QSOX2: variants seen among roughly 807,000 people sequenced by gnomAD.
QSOX2 encodes the protein quiescin sulfhydryl oxidase 2, also known as sulfhydryl oxidase 2.
QSOX2 carries 46 observed loss-of-function variants against 61.7 expected under a neutral mutation model. The observed-to-expected ratio is 0.75, with a 90% CI of 0.59 to 0.95. The LOEUF (loss-of-function observed/expected upper bound fraction) is 0.95. Among genes scored for constraint, QSOX2 ranks in the 40% least tolerant of loss-of-function variants. The pLI is 0.00. For missense variants in QSOX2, 879 were observed against 918.9 expected, an observed-to-expected ratio of 0.96 and a Z score of 0.56; for synonymous variants, 383 against 388.4, an observed-to-expected ratio of 0.99 and a Z score of 0.16.
chr9:136,225,846 C>G (rs1285845451), intron 2 of QSOX2, among the ~76,000 whole-genome samples: 1 of 152,210 alleles, frequency 6.6e-6, no homozygotes, highest in South Asian at 2.1e-4. Flanking sequence ...AAAGAGGGCC[C>G]GAAAGTTTAC....
rs1387461754 is a variant in QSOX2, at chr9:136,207,420, T to G, written c.*1308A>C. The G allele has an allele frequency of 6.6e-6, 1 of 150,630 alleles. No individual in the cohort carries two copies. Among genetic ancestry groups the G allele is most frequent in the Non-Finnish European group, 1.5e-5 (1 of 67,748 alleles). The allele number at this position is 150,630 out of a possible 1,614,324, so 9.3% of individuals were successfully genotyped here. Reference sequence around the variant, plus strand: ...ACACACACGGGCACACAAATACATCTGAGCCTATTTTAGCCAAATCAAATT... The same window carrying G: ...ACACACACGGGCACACAAATACATCGGAGCCTATTTTAGCCAAATCAAATT... On this transcript the variant is annotated 3_prime_UTR_variant, in exon 12 of 12. Coordinates refer to ENST00000358701, the MANE Select transcript of QSOX2 (RefSeq NM_181701.4).
chr9:136,222,150 A>G lies in QSOX2; in HGVS notation c.676-209T>C, dbSNP rs1362701759. Among the ~76,000 whole-genome samples, 1 of 152,240 alleles carries G rather than the reference A, an allele frequency of 6.6e-6. No homozygotes were observed. Among genetic ancestry groups the G allele is most frequent in the African/African-American group, 2.4e-5 (1 of 41,470 alleles). Reference sequence around the variant, plus strand: ...CGCCATGAGCAGAAACCACGGTCTTATTCGGCAATTTTACAAACTCATCAA... The same window carrying G: ...CGCCATGAGCAGAAACCACGGTCTTGTTCGGCAATTTTACAAACTCATCAA... On this transcript the variant is annotated intron_variant, in intron 5 of 11. Transcript: ENST00000358701. The surrounding 1 kb of genome is among the most constrained non-coding windows in gnomAD (Gnocchi z 6.9).
chr9:136,241,269 C>T (rs1371787095), intron 1 of QSOX2, among the ~76,000 whole-genome samples: 7 of 152,358 alleles, frequency 4.6e-5, no homozygotes, highest in Non-Finnish European at 2.9e-5. Flanking sequence ...TCCATCCTCC[C>T]GAGTCCAGTG....
chr9:136,243,276 T>G (rs900078556), intron 1 of QSOX2, among the ~76,000 whole-genome samples: 1 of 152,246 alleles, frequency 6.6e-6, no homozygotes, highest in Non-Finnish European at 1.5e-5. Flanking sequence ...CCTCCCTTTC[T>G]AGGTCTTTCC....
Position 136,223,618 on chromosome 9 carries a change from G to A in QSOX2, c.675+145C>T, listed in dbSNP as rs1830246802. 1.6e-6 allele frequency: 1 copy of A among 625,896 alleles called. No individual in the cohort carries two copies. Among genetic ancestry groups the A allele is most frequent in the Admixed American group, 3.0e-5 (1 of 33,620 alleles). The allele number at this position is 625,896 out of a possible 1,614,324, so 38.8% of individuals were successfully genotyped here. A position where few individuals can be genotyped will look rare whatever the true frequency, so the allele number is the denominator to read the frequency against. Reference sequence around the variant, plus strand: ...GACTTTGCTGAGTAACATTAACTAAGCTTCTGATAATGAACAAGACCTAAA... The same window carrying A: ...GACTTTGCTGAGTAACATTAACTAAACTTCTGATAATGAACAAGACCTAAA... On this transcript the variant is annotated intron_variant, in intron 5 of 11. Transcript: ENST00000358701. This position sits in a 1 kb window ranked among gnomAD's most constrained non-coding sequence, Gnocchi z 4.4.
At position 136,221,675 on chromosome 9, in the gene QSOX2, G is replaced by A. The variant is rs1295755552; in HGVS notation, c.821+121C>T. Reference sequence around the variant, plus strand: ...GAGCCAGGGCCCAAATCTGCCCAGGGAAGCGAGGCGGAGGGGCCAGGGCTC... The same window carrying A: ...GAGCCAGGGCCCAAATCTGCCCAGGAAAGCGAGGCGGAGGGGCCAGGGCTC... On this transcript the variant is annotated intron_variant, in intron 6 of 11. Transcript: ENST00000358701. The surrounding 1 kb of genome is among the most constrained non-coding windows in gnomAD (Gnocchi z 4.5). The A allele has an allele frequency of 4.6e-6, 5 of 1,082,992 alleles. No homozygotes were observed. Among genetic ancestry groups the A allele is most frequent in the Non-Finnish European group, 6.4e-6 (5 of 780,280 alleles). The allele number at this position is 1,082,992 out of a possible 1,614,324, so 67.1% of individuals were successfully genotyped here.
chr9:136,240,385 C>G (rs1830424950), intron 1 of QSOX2, among the ~76,000 whole-genome samples: 1 of 152,184 alleles, frequency 6.6e-6, no homozygotes, highest in Admixed American at 6.5e-5. Flanking sequence ...AGTCCAGTAT[C>G]AAATCGTTCT....
chr9:136,222,056 C>A lies in QSOX2; in HGVS notation c.676-115G>T, dbSNP rs1830221004. 20 of 1,096,608 alleles carry A rather than the reference C, an allele frequency of 1.8e-5. No homozygotes were observed. The highest frequency in any genetic ancestry group is 2.5e-4 in the Middle Eastern group (1 of 3,960). The allele number at this position is 1,096,608 out of a possible 1,614,324, so 67.9% of individuals were successfully genotyped here. A position where few individuals can be genotyped will look rare whatever the true frequency, so the allele number is the denominator to read the frequency against. On this transcript the variant is annotated intron_variant, in intron 5 of 11. Transcript: ENST00000358701. This position sits in a 1 kb window ranked among gnomAD's most constrained non-coding sequence, Gnocchi z 6.9. ...TTTCACAAAAGGGCATGAAGTCTGT[C>A]CCCCTGCAGGCAAGACCCTCACTCA... is the stretch of plus-strand genomic sequence containing the variant.
At chr9:136,210,411 G>A (rs1831830710) in intron 11 of QSOX2, 15 of 985,444 alleles carry the variant, frequency 1.5e-5, no homozygotes, top group Non-Finnish European at 1.8e-5. Context: ...AGCAGCAGGG[G>A]CTCCAGGTCC....
At chr9:136,237,152 G>A (rs1379587466) in intron 1 of QSOX2, among the ~76,000 whole-genome samples, 8 of 146,028 alleles carry the variant, frequency 5.5e-5, no homozygotes, top group East Asian at 2.1e-4. Context: ...CCTGGAGCCC[G>A]TCCTGGGCCT....
chr9:136,209,304 G>C lies in QSOX2; in HGVS notation c.1550-29C>G. On this transcript the variant is annotated intron_variant, in intron 11 of 11. Transcript: ENST00000358701. The surrounding 1 kb of genome is among the most constrained non-coding windows in gnomAD (Gnocchi z 5.6). The stretch of plus-strand genomic sequence containing the variant: ...GGAAGAAAAGGAAGCGGGAGAGCCA[G>C]AGGGAAGGAGGCTTTGTGCAGCCAC... The C allele has an allele frequency of 6.3e-7, 1 of 1,599,650 alleles. No individual in the cohort carries two copies.
chr9:136,220,716 T>G (rs1831970712), intron 6 of QSOX2, among the ~76,000 whole-genome samples: 1 of 152,142 alleles, frequency 6.6e-6, no homozygotes, highest in Non-Finnish European at 1.5e-5. Context: ...TTCATTTTCT[T>G]TCTTTTTTTT....
chr9:136,240,049 C>T (rs901766936), intron 1 of QSOX2, among the ~76,000 whole-genome samples: 1 of 152,212 alleles, frequency 6.6e-6, no homozygotes, highest in East Asian at 1.9e-4. Context: ...ATGCAAATGG[C>T]CTGCTTTCAT....
rs1830232705 is a variant in QSOX2, at chr9:136,222,746, A to T, written c.676-805T>A. Among the ~76,000 whole-genome samples, 1 of 152,198 alleles carries T rather than the reference A, an allele frequency of 6.6e-6. No homozygotes were observed. Among genetic ancestry groups the T allele is most frequent in the South Asian group, 2.1e-4 (1 of 4,812 alleles). On this transcript the variant is annotated intron_variant, in intron 5 of 11. Coordinates refer to ENST00000358701, the MANE Select transcript of QSOX2 (RefSeq NM_181701.4). This position sits in a 1 kb window ranked among gnomAD's most constrained non-coding sequence, Gnocchi z 6.9. Reference sequence around the variant, plus strand: ...CACCAGCATGCCAGGCAGGTAGGGGAGCGTGCCCGGCACCAAGACGGTCCC... The same window carrying T: ...CACCAGCATGCCAGGCAGGTAGGGGTGCGTGCCCGGCACCAAGACGGTCCC...
rs550171545 is a variant in QSOX2, at chr9:136,209,097, C to T, written c.1728G>A (p.Gly576=). The change falls in exon 12 of 12, where the codon GGG becomes GGA. Residue 576 remains glycine (G), a synonymous_variant. Coordinates refer to ENST00000358701, the MANE Select transcript of QSOX2 (RefSeq NM_181701.4). This position sits in a 1 kb window ranked among gnomAD's most constrained non-coding sequence, Gnocchi z 5.6. Reference sequence around the variant, plus strand: ...CCAGGGTTCCTCCTTCACTGGAATCCCCCTGGTCTGCGGAATACGTGTCTA... The same window carrying T: ...CCAGGGTTCCTCCTTCACTGGAATCTCCCTGGTCTGCGGAATACGTGTCTA... ...NLLDTYSADQ[G]DSSEGGTLAR... The T allele has an allele frequency of 5.0e-6, 8 of 1,614,184 alleles. No individual in the cohort carries two copies. The highest frequency in any genetic ancestry group is 2.7e-5 in the African/African-American group (2 of 75,052).
At chr9:136,242,965 G>T (rs772946116) in intron 1 of QSOX2, among the ~76,000 whole-genome samples, 9 of 152,346 alleles carry the variant, frequency 5.9e-5, no homozygotes, top group Non-Finnish European at 1.2e-4. Flanking sequence ...GCAACCTGAG[G>T]AAAGAAATTC....
In QSOX2 at chr9:136,218,667, A is replaced by C; in HGVS notation, c.1086+12T>G. On this transcript the variant is annotated intron_variant, in intron 8 of 11. Coordinates refer to ENST00000358701, the MANE Select transcript of QSOX2 (RefSeq NM_181701.4). ...ATTCCCACATGCAGCCCAGACCAGC[A>C]CCGTCCCAAACCTTGGCCAAGACAG... 2 of 1,612,568 alleles carry C rather than the reference A, an allele frequency of 1.2e-6. No individual in the cohort carries two copies. Among genetic ancestry groups the C allele is most frequent in the Non-Finnish European group, 1.7e-6 (2 of 1,179,304 alleles).
At chr9:136,245,388 G>C in intron 1 of QSOX2, 88 bp downstream of exon 1, 1 of 1,154,642 alleles carries the variant, frequency 8.7e-7, no homozygotes, top group Non-Finnish European at 1.2e-6. Flanking sequence ...GAGGGGCCCC[G>C]GGACCCGCCT....
In QSOX2 at chr9:136,207,749, G is replaced by A. The variant is rs369591468; in HGVS notation, c.*979C>T. 1.3e-5 allele frequency: 2 copies of A among 152,182 alleles called. No homozygotes were observed. The highest frequency in any genetic ancestry group is 1.3e-4 in the Admixed American group (2 of 15,272). The allele number at this position is 152,182 out of a possible 1,614,324, so 9.4% of individuals were successfully genotyped here. A position where few individuals can be genotyped will look rare whatever the true frequency, so the allele number is the denominator to read the frequency against. On this transcript the variant is annotated 3_prime_UTR_variant, in exon 12 of 12. Coordinates refer to ENST00000358701, the MANE Select transcript of QSOX2 (RefSeq NM_181701.4). The stretch of plus-strand genomic sequence containing the variant: ...GGTGCTGGGTGAAGAGCAGACGACA[G>A]GGGGGGCTTTAGAAGTCTCCCTGGG...
Sources: gnomAD v4.1 joint callset for allele counts (sites outside exome capture counted in the v4.1 genomes callset) on GRCh38, gnomAD v4.1.1 for gene constraint, Gnocchi (gnomAD v3.1) non-coding constraint, MANE v1.5 for transcripts, NCBI Gene and HGNC (gene_info 2026-07-23, HGNC 2026-07-21) for gene names.